Variants in EXPH5 observed in about 807,000 individuals in gnomAD.
The protein encoded by EXPH5 is exophilin 5.
A neutral mutation model predicts 41.1 loss-of-function variants in EXPH5; 42 were observed. The ratio of observed to expected loss-of-function variants is 1.02; its 90% CI spans 0.80 to 1.32. EXPH5 has a LOEUF of 1.32. Among genes scored for constraint, EXPH5 ranks in the 40% most tolerant of loss-of-function variants. EXPH5 has a pLI of 0.00. For synonymous variants in EXPH5, 798 were observed against 833.5 expected (o/e 0.96, Z 0.73); for missense variants, 2,298 against 2,314.5 (o/e 0.99, Z 0.15).
At chr11:108,532,750 A>G (rs2093851852) in intron 3 of EXPH5, among the ~76,000 whole-genome samples, 1 of 152,116 alleles carries the variant, frequency 6.6e-6, no homozygotes, top group Non-Finnish European at 1.5e-5. Flanking sequence ...TAGGCCTCTG[A>G]GCCTATGCAC....
chr11:108,522,704 C>T (rs1263569629), intron 4 of EXPH5, among the ~76,000 whole-genome samples: 1 of 152,130 alleles, frequency 6.6e-6, no homozygotes, highest in Non-Finnish European at 1.5e-5. Flanking sequence ...CTCTCCAGGA[C>T]CCAGAGCAGA....
At chr11:108,519,928 G>T (rs1251558085) in intron 4 of EXPH5, among the ~76,000 whole-genome samples, 1 of 132,484 alleles carries the variant, frequency 7.5e-6, no homozygotes, top group Non-Finnish European at 1.6e-5. Context: ...TCCAGGCTGG[G>T]AGACAGAGGG....
intron 1 of EXPH5, among the ~76,000 whole-genome samples, chr11:108,591,776 G>A (rs1292471686): frequency 6.6e-6 from 1 of 152,164 alleles, no homozygotes; most frequent in Non-Finnish European, 1.5e-5. Context: ...GTCAACTGCA[G>A]TGGGCATCGT....
chr11:108,591,025 A>T (rs1217240722), intron 1 of EXPH5, among the ~76,000 whole-genome samples: 2 of 152,012 alleles, frequency 1.3e-5, no homozygotes, highest in African/African-American at 2.4e-5. Flanking sequence ...ATATAAATGA[A>T]CTCATCAGCC....
At chr11:108,571,766 A>C (rs2094060888) in intron 1 of EXPH5, among the ~76,000 whole-genome samples, 1 of 152,198 alleles carries the variant, frequency 6.6e-6, no homozygotes, top group Admixed American at 6.5e-5. Flanking sequence ...AATGTTTAAA[A>C]TAGTCATTGA....
the EXPH5 span, among the ~76,000 whole-genome samples, chr11:108,605,232 G>A: frequency 6.6e-6 from 1 of 152,178 alleles, no homozygotes. Flanking sequence ...TTTCCATAAA[G>A]AGTTGATCAC....
At chr11:108,525,544 T>C (rs930112841) in intron 4 of EXPH5, among the ~76,000 whole-genome samples, 3 of 152,266 alleles carry the variant, frequency 2.0e-5, no homozygotes, top group African/African-American at 7.2e-5. Flanking sequence ...GAAATTTCTA[T>C]GTGTCTTTTG....
chr11:108,597,532 A>G (rs567654189), upstream of EXPH5, among the ~76,000 whole-genome samples: 1 of 152,234 alleles, frequency 6.6e-6, no homozygotes, highest in Non-Finnish European at 1.5e-5. Context: ...GCTTTTTGTT[A>G]GGACTAAACT....
At chr11:108,523,986 T>G (rs572271437) in intron 4 of EXPH5, among the ~76,000 whole-genome samples, 1 of 152,252 alleles carries the variant, frequency 6.6e-6, no homozygotes. Context: ...CAGGACAGTA[T>G]AGTGGTTAAG....
At chr11:108,523,639 A>T (rs1591685909) in intron 4 of EXPH5, among the ~76,000 whole-genome samples, 2 of 152,190 alleles carry the variant, frequency 1.3e-5, no homozygotes, top group South Asian at 4.1e-4. Flanking sequence ...TGGGAGGCCA[A>T]GGCGGGCAGA....
chr11:108,524,965 T>C (rs1000477800), intron 4 of EXPH5, among the ~76,000 whole-genome samples: 1 of 152,188 alleles, frequency 6.6e-6, no homozygotes, highest in African/African-American at 2.4e-5. Context: ...TCCCACGTGT[T>C]GTGGGAGGGA....
At chr11:108,593,827 C>T, upstream of EXPH5, 1 of 1,329,074 alleles carries the variant, frequency 7.5e-7, no homozygotes, top group Non-Finnish European at 1.0e-6. Flanking sequence ...CCTCCCTTGT[C>T]CCCTCCCTCG....
chr11:108,602,243 G>C, the EXPH5 span, among the ~76,000 whole-genome samples: 1 of 152,058 alleles, frequency 6.6e-6, no homozygotes, highest in African/African-American at 2.4e-5. Context: ...ATTCATTTAG[G>C]GTTATTTTTG....
At position 108,509,548 on chromosome 11, in the gene EXPH5, A is replaced by C. The variant is rs758095680; in HGVS notation, c.5959T>G (p.Ser1987Ala). 4 of 1,552,776 alleles carry C rather than the reference A, an allele frequency of 2.6e-6. No homozygotes were observed. The South Asian group carries it at 5.1e-5, about 20-fold the overall frequency. Residue 1987 changes from serine (S) to alanine (A), a missense_variant, in exon 6 of 6, where the codon TCA becomes GCA. By Grantham distance (99) the Ser-to-Ala change is moderately conservative. Transcript: ENST00000265843. ...TTATTGAAAAAGCCTCACAGTTCTG[A>C]CTCTTTGTCATTTTCATCCAGGTAG... is the stretch of plus-strand genomic sequence containing the variant. ...EYYLDENDKE[S>A]EL
intron 1 of EXPH5, among the ~76,000 whole-genome samples, chr11:108,551,047 A>ATGAAT (rs943064057): frequency 2.8e-4 from 42 of 152,284 alleles, no homozygotes; most frequent in Non-Finnish European, 1.2e-4. Context: ...AACCGATGAT[A>ATGAAT]TGAACTGAGC....
chr11:108,573,198 A>AAGAG (rs1456627760), intron 1 of EXPH5, among the ~76,000 whole-genome samples: 3,716 of 108,228 alleles, frequency 0.034, 104 homozygotes, highest in African/African-American at 0.049. Flanking sequence ...GAAAGAAAGA[A>AAGAG]AAAGAAAGAA....
intron 1 of EXPH5, among the ~76,000 whole-genome samples, chr11:108,577,659 G>A (rs2094084368): frequency 6.6e-6 from 1 of 152,140 alleles, no homozygotes; most frequent in Admixed American, 6.5e-5. Context: ...CTGACCTCAG[G>A]TAATCTGCCC....
At position 108,505,811 on chromosome 11, in the gene EXPH5, C is replaced by A. The variant is rs1478101007; in HGVS notation, c.*3726G>T. The A allele has an allele frequency of 6.6e-6, 1 of 152,124 alleles. No homozygotes were observed. Among genetic ancestry groups the A allele is most frequent in the African/African-American group, 2.4e-5 (1 of 41,440 alleles). 9.4% of individuals were successfully genotyped at this position (152,124 alleles called of 1,614,324 possible). A position where few individuals can be genotyped will look rare whatever the true frequency, so the allele number is the denominator to read the frequency against. Reference sequence around the variant, plus strand: ...GCTATGAGTTTTACAGTTTGATTCCCATCTTTGCCATAACCTAAATGGATT... The same window carrying A: ...GCTATGAGTTTTACAGTTTGATTCCAATCTTTGCCATAACCTAAATGGATT... On this transcript the variant is annotated 3_prime_UTR_variant, in exon 6 of 6. Coordinates refer to ENST00000265843, the MANE Select transcript of EXPH5 (RefSeq NM_015065.3).
At chr11:108,562,165 G>A (rs1356891604) in intron 1 of EXPH5, among the ~76,000 whole-genome samples, 2 of 151,930 alleles carry the variant, frequency 1.3e-5, no homozygotes, top group East Asian at 1.9e-4. Flanking sequence ...GCAGCATGTA[G>A]GAATTTGTTC....
Sources: gnomAD v4.1 joint callset for allele counts (sites outside exome capture counted in the v4.1 genomes callset) on GRCh38, gnomAD v4.1.1 for gene constraint, MANE v1.5 for transcripts, NCBI Gene and HGNC (gene_info 2026-07-23, HGNC 2026-07-21) for gene names.